RYR1: variants seen among roughly 807,000 people sequenced by gnomAD.
The protein encoded by RYR1 is central core disease of muscle.
RYR1 carries 342 observed loss-of-function variants against 583.5 expected under a neutral mutation model. The observed-to-expected ratio is 0.59, with a 90% CI of 0.54 to 0.64. RYR1 has a LOEUF of 0.64. Ranked by LOEUF, RYR1 falls within the 30% of genes least tolerant of loss-of-function variation. The pLI is 0.00. For synonymous variants in RYR1, 2,791 were observed against 2,822.5 expected (o/e 0.99, Z 0.35); for missense variants, 6,032 against 6,917.2 (o/e 0.87, Z 4.54).
chr19:38,446,428 G>C, intron 7 of RYR1, 44 bp from the exon 8 acceptor site: 1 of 1,444,336 alleles, frequency 6.9e-7, no homozygotes, highest in Non-Finnish European at 9.7e-7. Flanking sequence ...GGTCTTCCTG[G>C]GGCTCCAGCC....
chr19:38,450,289 C>CA (rs1262436842), intron 11 of RYR1, among the ~76,000 whole-genome samples: 1 of 151,946 alleles, frequency 6.6e-6, no homozygotes, highest in Non-Finnish European at 1.5e-5. Flanking sequence ...AGGGTAGAGC[C>CA]AACAGGATTT....
chr19:38,445,180 T>TACTCAGGA, intron 7 of RYR1, among the ~76,000 whole-genome samples: 1 of 115,098 alleles, frequency 8.7e-6, no homozygotes, highest in East Asian at 2.8e-4. Flanking sequence ...TGCTTGAACC[T>TACTCAGGA]GGGTGGCAGA....
At chr19:38,574,908 T>C (rs10853716) in intron 96 of RYR1, among the ~76,000 whole-genome samples, 18,504 of 151,538 alleles carry the variant, frequency 0.12, 2,212 homozygotes, top group African/African-American at 0.3. Context: ...GGCGTGGCAG[T>C]GGGTGCCTGT....
rs2145784391 is a variant in RYR1, at chr19:38,546,476, T to G, written c.12044T>G (p.Leu4015Arg). Residue 4015 changes from leucine (L) to arginine (R), a missense_variant, in exon 88 of 106, where the codon CTG becomes CGG. This residue lies in a region of RYR1 where 82 missense variants were observed against 139.7 expected (regional missense o/e 0.59). Coordinates refer to ENST00000359596, the MANE Select transcript of RYR1 (RefSeq NM_000540.3). ...AGCCAGATCGAGCTGCTGAAGGAGC[T>G]GCTGGATCTGCAGAAGGACATGGTG... The part of the protein sequence containing the change: ...DSSQIELLKE[L>R]LDLQKDMVVM... The G allele has an allele frequency of 6.2e-7, 1 of 1,613,694 alleles. No homozygotes were observed. Among genetic ancestry groups the G allele is most frequent in the Non-Finnish European group, 8.5e-7 (1 of 1,179,952 alleles).
chr19:38,517,251 TA>T, intron 65 of RYR1, 107 bp from the exon 66 acceptor site: 1 of 1,134,152 alleles, frequency 8.8e-7, no homozygotes, highest in South Asian at 1.3e-5. Context: ...GGAGACTGTT[TA>T]AGGGGGGTGG....
At chr19:38,473,241 G>T in intron 27 of RYR1, 136 bp from the exon 28 acceptor site, 1 of 1,109,610 alleles carries the variant, frequency 9.0e-7, no homozygotes, top group Non-Finnish European at 1.4e-6. Flanking sequence ...CCCCCTGCAG[G>T]AGTGGGGGGC....
intron 1 of RYR1, among the ~76,000 whole-genome samples, chr19:38,435,802 A>G (rs548539478): frequency 2.6e-5 from 4 of 152,220 alleles, no homozygotes; most frequent in African/African-American, 7.2e-5. Context: ...AACTCAGTAC[A>G]TGCACACATG....
At chr19:38,443,062 G>A (rs1972771513) in intron 3 of RYR1, among the ~76,000 whole-genome samples, 1 of 152,208 alleles carries the variant, frequency 6.6e-6, no homozygotes, top group African/African-American at 2.4e-5. Flanking sequence ...CCAAGGTCCG[G>A]GTTGGGGACC....
rs1474406811 is a variant in RYR1, at chr19:38,502,792, CAGGGGCAGGGGCAGGGGG to C, written c.7835+69_7836-67del. 177 of 679,032 alleles carry C rather than the reference CAGGGGCAGGGGCAGGGGG, an allele frequency of 2.6e-4. 4 individuals are homozygous for C. Among genetic ancestry groups the C allele is most frequent in the East Asian group, 2.2e-3 (56 of 25,468 alleles). The allele number at this position is 679,032 out of a possible 1,614,324, so 42.1% of individuals were successfully genotyped here. A position where few individuals can be genotyped will look rare whatever the true frequency, so the allele number is the denominator to read the frequency against. On this transcript the variant is annotated intron_variant, in intron 48 of 105. Coordinates refer to ENST00000359596, the MANE Select transcript of RYR1 (RefSeq NM_000540.3). ...GCAGGGGCAGGGGCAGGGGCAGGGG[CAGGGGCAGGGGCAGGGGG>C]AGGAGCAGGGGCAGGGGCAGCAGAG...
chr19:38,576,260 C>G (rs1356765588), intron 97 of RYR1, among the ~76,000 whole-genome samples: 4 of 152,092 alleles, frequency 2.6e-5, no homozygotes, highest in African/African-American at 9.7e-5. Context: ...TTCACAGCAG[C>G]CTGGGCAACA....
At chr19:38,480,628 A>G (rs1207952128) in intron 31 of RYR1, among the ~76,000 whole-genome samples, 1 of 152,196 alleles carries the variant, frequency 6.6e-6, no homozygotes, top group East Asian at 1.9e-4. Context: ...TCTAAATATC[A>G]TCAAATATCC....
rs1157601119 is a variant in RYR1 at position 38,512,498 on chromosome 19, C to T, written c.9472+15C>T. 6.2e-7 allele frequency: 1 copy of T among 1,606,788 alleles called. No individual in the cohort carries two copies. Among genetic ancestry groups the T allele is most frequent in the East Asian group, 2.2e-5 (1 of 44,894 alleles). The stretch of plus-strand genomic sequence containing the variant: ...TGACGTCATCCGTAAGGGCGCCTGA[C>T]CCAAGGGCAGGTTGCGGGGAGTCAG... On this transcript the variant is annotated intron_variant, in intron 63 of 105. Transcript: ENST00000359596. This position sits in a 1 kb window ranked among gnomAD's most constrained non-coding sequence, Gnocchi z 5.1.
intron 105 of RYR1, among the ~76,000 whole-genome samples, chr19:38,586,953 A>G (rs1974518261): frequency 6.6e-6 from 1 of 151,174 alleles, no homozygotes; most frequent in Non-Finnish European, 1.5e-5. Flanking sequence ...CCTAGGTGAC[A>G]GAGCGATACT....
Position 38,496,790 on chromosome 19 carries a change from C to A in RYR1, c.6797-70C>A. The A allele has an allele frequency of 6.8e-7, 1 of 1,463,192 alleles. No individual in the cohort carries two copies. Among genetic ancestry groups the A allele is most frequent in the Non-Finnish European group, 9.6e-7 (1 of 1,044,420 alleles). The allele number at this position is 1,463,192 out of a possible 1,614,324, so 90.6% of individuals were successfully genotyped here. ...TGATCCAGGCTGGAAAAAGGGTGGT[C>A]AGGGAGGGCTTCCCAGAGGAGGCGA... On this transcript the variant is annotated intron_variant, in intron 41 of 105. Coordinates refer to ENST00000359596, the MANE Select transcript of RYR1 (RefSeq NM_000540.3). The surrounding 1 kb of genome is among the most constrained non-coding windows in gnomAD (Gnocchi z 4.8).
At position 38,519,399 on chromosome 19, in the gene RYR1, T is replaced by G. The variant is rs367543058; in HGVS notation, c.10204T>G (p.Cys3402Gly). The change falls in exon 67 of 106, where the codon TGC becomes GGC. Residue 3402 changes from cysteine to glycine, a missense_variant. Physicochemically the swap from Cys to Gly is radical, Grantham distance 159. Transcript: ENST00000359596. ...GGTGCGGGACGAGTTCTCTGTGCTC[T>G]GCCGGGACCTCTACGCCCTGTATCC... ...LLVRDEFSVLCRDLYALYPLL... is the reference protein window; with the variant it reads ...LLVRDEFSVLGRDLYALYPLL... 111 of 1,604,074 alleles carry G rather than the reference T, an allele frequency of 6.9e-5. No homozygotes were observed. The highest frequency in any genetic ancestry group is 8.8e-5 in the Non-Finnish European group (103 of 1,175,950).
chr19:38,567,280 C>A (rs1368215024), intron 92 of RYR1, among the ~76,000 whole-genome samples: 3 of 151,890 alleles, frequency 2.0e-5, no homozygotes, highest in Non-Finnish European at 4.4e-5. Flanking sequence ...GAGCCCTGAT[C>A]GCAGCATTGC....
chr19:38,508,980 C>T (rs1334278740), intron 58 of RYR1, among the ~76,000 whole-genome samples: 1 of 152,066 alleles, frequency 6.6e-6, no homozygotes, highest in Admixed American at 6.6e-5. Context: ...TGGGGTGCCC[C>T]CCAGTGCCTC....
At chr19:38,524,568 T>A (rs926723589) in intron 70 of RYR1, among the ~76,000 whole-genome samples, 1 of 152,224 alleles carries the variant, frequency 6.6e-6, no homozygotes, top group Non-Finnish European at 1.5e-5. Flanking sequence ...AAGCTTGTCA[T>A]CAGGGCTTCT....
chr19:38,505,268 A>G (rs941075906), intron 52 of RYR1, 41 bp from the exon 53 acceptor site: 5 of 1,448,882 alleles, frequency 3.5e-6, no homozygotes, highest in Non-Finnish European at 2.9e-6. Context: ...TGTGTCCCCA[A>G]CTGCTGCCTC....
Sources: gnomAD v4.1 joint callset for allele counts (sites outside exome capture counted in the v4.1 genomes callset) on GRCh38, gnomAD v4.1.1 for gene constraint, gnomAD v4.1.1 regional missense constraint, Gnocchi (gnomAD v3.1) non-coding constraint, MANE v1.5 for transcripts, NCBI Gene and HGNC (gene_info 2026-07-23, HGNC 2026-07-21) for gene names.